DPYD: variants seen among roughly 807,000 people sequenced by gnomAD.
DPYD encodes dihydropyrimidine dehydrogenase [NADP(+)].
A neutral mutation model predicts 116.2 loss-of-function variants in DPYD; 109 were observed. The ratio of observed to expected loss-of-function variants is 0.94; its 90% CI spans 0.80 to 1.10. The LOEUF (loss-of-function observed/expected upper bound fraction) is 1.10. Ranked by LOEUF, DPYD falls within the 50% of genes least tolerant of loss-of-function variation. The pLI, the probability that DPYD is intolerant of heterozygous loss-of-function variation, is 0.00. For synonymous variants in DPYD, 440 were observed against 432.0 expected, an observed-to-expected ratio of 1.02 and a Z score of -0.23; for missense variants, 1,302 against 1,254.5, an observed-to-expected ratio of 1.04 and a Z score of -0.57.
chr1:97,226,050 A>G (rs756662779), intron 19 of DPYD, among the ~76,000 whole-genome samples: 2 of 152,182 alleles, frequency 1.3e-5, no homozygotes, highest in African/African-American at 2.4e-5. Context: ...CCATGATCAA[A>G]TAGCAGTCAT....
At chr1:97,860,170 C>G (rs1047402609) in intron 2 of DPYD, among the ~76,000 whole-genome samples, 2 of 151,964 alleles carry the variant, frequency 1.3e-5, no homozygotes, top group Non-Finnish European at 2.9e-5. Flanking sequence ...TAACGAAACC[C>G]TGTCTCTACT....
intron 13 of DPYD, among the ~76,000 whole-genome samples, chr1:97,464,552 G>A (rs866765430): frequency 3.3e-5 from 5 of 152,254 alleles, no homozygotes; most frequent in Middle Eastern, 3.4e-3. Flanking sequence ...ACTTGGTGTC[G>A]TGTCCTGTGC....
At chr1:97,532,039 T>C (rs1649663155) in intron 12 of DPYD, among the ~76,000 whole-genome samples, 1 of 152,180 alleles carries the variant, frequency 6.6e-6, no homozygotes, top group African/African-American at 2.4e-5. Flanking sequence ...TTCAGGGTTT[T>C]GTATGTATAA....
At chr1:97,656,277 G>A (rs1246040806) in intron 8 of DPYD, among the ~76,000 whole-genome samples, 1 of 152,158 alleles carries the variant, frequency 6.6e-6, no homozygotes, top group Non-Finnish European at 1.5e-5. Flanking sequence ...TTTCACGGAA[G>A]ATCTTTCTGT....
chr1:97,779,629 T>A (rs1211503992), intron 3 of DPYD, among the ~76,000 whole-genome samples: 1 of 152,160 alleles, frequency 6.6e-6, no homozygotes, highest in Non-Finnish European at 1.5e-5. Context: ...GGTTCTCTGT[T>A]TCCCTTTTTG....
At chr1:97,181,925 C>T (rs968864642) in intron 20 of DPYD, among the ~76,000 whole-genome samples, 7 of 152,048 alleles carry the variant, frequency 4.6e-5, no homozygotes, top group African/African-American at 1.7e-4. Context: ...TATATGATTT[C>T]TAATCTTTAC....
intron 20 of DPYD, among the ~76,000 whole-genome samples, chr1:97,113,432 A>G (rs2101628307): frequency 6.6e-6 from 1 of 152,236 alleles, no homozygotes; most frequent in African/African-American, 2.4e-5. Context: ...GTAGAGGAAG[A>G]AGAAGTGAAT....
chr1:97,559,821 G>T (rs768175899), intron 11 of DPYD, among the ~76,000 whole-genome samples: 1 of 152,146 alleles, frequency 6.6e-6, no homozygotes, highest in Non-Finnish European at 1.5e-5. Flanking sequence ...CATTGGCAAA[G>T]GCTATATCTA....
chr1:97,357,454 A>G (rs1394365646), intron 16 of DPYD, among the ~76,000 whole-genome samples: 8 of 150,748 alleles, frequency 5.3e-5, no homozygotes, highest in Non-Finnish European at 1.5e-5. Context: ...TGCTTTTCCT[A>G]TTTGCATGCA....
chr1:97,848,350 G>C (rs1015726282), intron 2 of DPYD, among the ~76,000 whole-genome samples: 1 of 152,192 alleles, frequency 6.6e-6, no homozygotes, highest in Non-Finnish European at 1.5e-5. Context: ...ACCCACCTCG[G>C]CTTCCAAAAG....
At chr1:97,664,618 G>T (rs970247066) in intron 8 of DPYD, among the ~76,000 whole-genome samples, 8 of 151,666 alleles carry the variant, frequency 5.3e-5, no homozygotes, top group Non-Finnish European at 7.4e-5. Context: ...GCCTTATTTT[G>T]CTTCCTCTTA....
intron 3 of DPYD, among the ~76,000 whole-genome samples, chr1:97,818,604 TTTC>T (rs1367452192): frequency 6.6e-6 from 1 of 152,036 alleles, no homozygotes; most frequent in Non-Finnish European, 1.5e-5. Flanking sequence ...ATATAATTGT[TTTC>T]TTCTATTTCC....
At chr1:97,213,594 C>T (rs1205730054) in intron 19 of DPYD, among the ~76,000 whole-genome samples, 1 of 152,126 alleles carries the variant, frequency 6.6e-6, no homozygotes, top group Non-Finnish European at 1.5e-5. Context: ...GTCAGATTGA[C>T]CTGCCAGACT....
intron 14 of DPYD, among the ~76,000 whole-genome samples, chr1:97,437,572 TA>T (rs1048155413): frequency 2.0e-4 from 31 of 151,896 alleles, no homozygotes; most frequent in African/African-American, 7.5e-4. Flanking sequence ...GGTAGATATC[TA>T]AAAGTAAAAT....
intron 5 of DPYD, among the ~76,000 whole-genome samples, chr1:97,709,400 AT>A (rs969251385): frequency 9.2e-5 from 14 of 151,862 alleles, no homozygotes; most frequent in African/African-American, 2.9e-4. Context: ...CATGGTATAT[AT>A]TTTTTTAATT....
intron 16 of DPYD, among the ~76,000 whole-genome samples, chr1:97,310,743 C>A (rs1392798143): frequency 2.0e-5 from 3 of 151,726 alleles, no homozygotes; most frequent in African/African-American, 7.2e-5. Context: ...AAATTCAACT[C>A]TTAATTATAT....
intron 3 of DPYD, among the ~76,000 whole-genome samples, chr1:97,791,629 A>G (rs542856935): frequency 6.6e-6 from 1 of 152,352 alleles, no homozygotes; most frequent in South Asian, 2.1e-4. Flanking sequence ...CCTCAGATAC[A>G]GTTCTTTTTA....
intron 16 of DPYD, among the ~76,000 whole-genome samples, chr1:97,368,412 A>G (rs1386685476): frequency 2.0e-5 from 3 of 152,174 alleles, no homozygotes; most frequent in Non-Finnish European, 4.4e-5. Context: ...CAACTCAAGG[A>G]AAAGAAGTAA....
At chr1:97,792,184 T>C (rs1320121435) in intron 3 of DPYD, among the ~76,000 whole-genome samples, 1 of 152,146 alleles carries the variant, frequency 6.6e-6, no homozygotes, top group Non-Finnish European at 1.5e-5. Flanking sequence ...AAGAAGACCT[T>C]AATCATAGAT....
Sources: allele counts gnomAD v4.1 joint callset (sites outside exome capture counted in the v4.1 genomes callset), GRCh38; gene constraint gnomAD v4.1.1; transcripts MANE v1.5; gene names NCBI Gene and HGNC (gene_info 2026-07-23, HGNC 2026-07-21).